TSPAN1: variants seen among roughly 807,000 people sequenced by gnomAD.
TSPAN1 encodes the protein tetraspanin-1.
TSPAN1 carries 23 observed loss-of-function variants against 26.9 expected under a neutral mutation model. The observed-to-expected ratio is 0.85, with a 90% CI of 0.62 to 1.21. The LOEUF is 1.21. Among genes scored for constraint, TSPAN1 ranks in the 50% most tolerant of loss-of-function variants. TSPAN1 has a pLI of 0.00. For synonymous variants in TSPAN1, 115 were observed against 114.8 expected, an observed-to-expected ratio of 1.00 and a Z score of -0.01; for missense variants, 283 against 298.4, an observed-to-expected ratio of 0.95 and a Z score of 0.38.
At chr1:46,189,609 C>A, downstream of TSPAN1, 1 of 1,584,100 alleles carries the variant, frequency 6.3e-7, no homozygotes, top group Non-Finnish European at 8.6e-7. Flanking sequence ...GGTCAGAGAG[C>A]TGTAGGGAGG....
At chr1:46,194,670 G>A in the TSPAN1 span, 1 of 1,614,254 alleles carries the variant, frequency 6.2e-7, no homozygotes, top group Non-Finnish European at 8.5e-7. Context: ...AGGCAGGAAT[G>A]AGGGCCATGG....
In TSPAN1 at chr1:46,184,962, C is replaced by CAAGTGCTGTGGCTTCACCAACAT; in HGVS notation, c.462_463insATAAGTGCTGTGGCTTCACCAAC (p.Tyr155IlefsTer51). On this transcript the variant is annotated frameshift_variant, in exon 7 of 9. Transcript: ENST00000372003. LOFTEE classifies it high-confidence loss of function. The stretch of plus-strand genomic sequence containing the variant: ...CTCCACCCTCATCTTGTCTCCAGCT[C>CAAGTGCTGTGGCTTCACCAACAT]AAGTGCTGTGGCTTCACCAACTATA... 1 of 1,614,224 alleles carries CAAGTGCTGTGGCTTCACCAACAT rather than the reference C, an allele frequency of 6.2e-7. No homozygotes were observed. The highest frequency in any genetic ancestry group is 2.2e-5 in the East Asian group (1 of 44,886).
the TSPAN1 span, chr1:46,192,260 T>C: frequency 2.5e-6 from 4 of 1,614,010 alleles, no homozygotes; most frequent in Non-Finnish European, 3.4e-6. Context: ...TTAAGATGTT[T>C]CGAGTTGGTA....
intron 1 of TSPAN1, chr1:46,176,338 C>G: frequency 6.5e-7 from 1 of 1,535,774 alleles, no homozygotes; most frequent in Middle Eastern, 1.7e-4. Context: ...ACCTCGGAGA[C>G]CCTGTTGATA....
At chr1:46,194,826 G>A in the TSPAN1 span, 1 of 1,613,804 alleles carries the variant, frequency 6.2e-7, no homozygotes, top group Middle Eastern at 1.7e-4. Context: ...CAGAGTGGAT[G>A]GCCTCTGATG....
Position 46,185,125 on chromosome 1 carries a change from G to C in TSPAN1, c.594+10G>C. The C allele has an allele frequency of 6.2e-7, 1 of 1,614,224 alleles. No homozygotes were observed. The highest frequency in any genetic ancestry group is 1.1e-5 in the South Asian group (1 of 91,082). ...CGACCAAAAAGTAGAGGTGTGGGCT[G>C]GCATGAGTGGGTGGGGACTGTTTTC... On this transcript the variant is annotated intron_variant, in intron 7 of 8. Coordinates refer to ENST00000372003, the MANE Select transcript of TSPAN1 (RefSeq NM_005727.4).
intron 1 of TSPAN1, among the ~76,000 whole-genome samples, 169 bp from the exon 2 acceptor site, chr1:46,180,357 G>C (rs1657286419): frequency 6.6e-6 from 1 of 152,226 alleles, no homozygotes; most frequent in Admixed American, 6.5e-5. Context: ...AGATCAGGAG[G>C]GGCGTTGCCC....
chr1:46,190,105 T>TG (rs1331494455), downstream of TSPAN1: 2 of 1,291,966 alleles, frequency 1.5e-6, no homozygotes, highest in East Asian at 5.0e-5. Context: ...TTCTTTTTTT[T>TG]TTTTTTTTTT....
At chr1:46,189,055 T>C, downstream of TSPAN1, 1 of 1,532,674 alleles carries the variant, frequency 6.5e-7, no homozygotes, top group South Asian at 1.3e-5. Flanking sequence ...TCTCCTGCCC[T>C]TCTCCAACAA....
At chr1:46,194,709 T>TC in the TSPAN1 span, 1 of 1,614,162 alleles carries the variant, frequency 6.2e-7, no homozygotes, top group Non-Finnish European at 8.5e-7. Context: ...GGGGGCTTTT[T>TC]CCCATCTCCC....
chr1:46,185,713 G>T lies in TSPAN1; in HGVS notation c.*180G>T. 1.5e-6 allele frequency: 1 copy of T among 687,838 alleles called. No homozygotes were observed. Among genetic ancestry groups the T allele is most frequent in the Admixed American group, 2.7e-5 (1 of 37,518 alleles). 42.6% of individuals were successfully genotyped at this position (687,838 alleles called of 1,614,324 possible). ...GGACCACTCCTTTTAGGCGATGCCT[G>T]ACTTTCCTTCCATTGGTGGGTGGAT... On this transcript the variant is annotated 3_prime_UTR_variant, in exon 9 of 9. Transcript: ENST00000372003.
chr1:46,190,725 C>T (rs2148174488), downstream of TSPAN1: 2 of 1,613,338 alleles, frequency 1.2e-6, no homozygotes, highest in Non-Finnish European at 1.7e-6. Flanking sequence ...CCAACCTGTC[C>T]ACATTCCTGA....
chr1:46,190,899 C>A, downstream of TSPAN1: 1 of 986,080 alleles, frequency 1.0e-6, no homozygotes, highest in Non-Finnish European at 1.6e-6. Flanking sequence ...CTGTAAAGAG[C>A]CCTCTAATTT....
chr1:46,194,393 A>T, the TSPAN1 span: 8 of 1,614,058 alleles, frequency 5.0e-6, no homozygotes, highest in Non-Finnish European at 6.8e-6. Context: ...GCCCAGTGGC[A>T]CTCTGCCTCT....
intron 1 of TSPAN1, chr1:46,176,343 T>C (rs2148130874): frequency 1.3e-6 from 2 of 1,535,754 alleles, no homozygotes; most frequent in Non-Finnish European, 1.7e-6. Flanking sequence ...GGAGACCCTG[T>C]TGATATCTTC....
the TSPAN1 span, chr1:46,192,319 T>C: frequency 1.2e-6 from 2 of 1,614,156 alleles, no homozygotes; most frequent in Non-Finnish European, 1.7e-6. Context: ...TTTTCCGGTG[T>C]AGGCCACTTG....
At chr1:46,190,314 G>A, downstream of TSPAN1, 3 of 965,158 alleles carry the variant, frequency 3.1e-6, no homozygotes, top group Admixed American at 3.5e-5. Context: ...AAAGTGCTGG[G>A]ATTACAGGCG....
At chr1:46,192,151 A>G in the TSPAN1 span, 2 of 1,613,984 alleles carry the variant, frequency 1.2e-6, no homozygotes, top group Non-Finnish European at 1.7e-6. Context: ...TAGGATCGGG[A>G]AACGTCAGGG....
In TSPAN1 at chr1:46,185,758, G is replaced by A. The variant is rs1657416851; in HGVS notation, c.*225G>A. ...GTGGATGGGTGGGGGGCATTCCAGA[G>A]CCTCTAAGGTAGCCAGTTCTGTTGC... On this transcript the variant is annotated 3_prime_UTR_variant, in exon 9 of 9. Transcript: ENST00000372003. 1.7e-6 allele frequency: 1 copy of A among 603,004 alleles called. No individual in the cohort carries two copies. The highest frequency in any genetic ancestry group is 2.0e-5 in the South Asian group (1 of 51,144). The allele number at this position is 603,004 out of a possible 1,614,324, so 37.4% of individuals were successfully genotyped here. A position where few individuals can be genotyped will look rare whatever the true frequency, so the allele number is the denominator to read the frequency against.
Sources: gnomAD v4.1 joint callset for allele counts (sites outside exome capture counted in the v4.1 genomes callset) on GRCh38, gnomAD v4.1.1 for gene constraint, MANE v1.5 for transcripts, NCBI Gene and HGNC (gene_info 2026-07-23, HGNC 2026-07-21) for gene names.